The following AOPEP variants were observed in gnomAD, a reference collection of about 807,000 sequenced individuals.
AOPEP encodes the protein aminopeptidase O.
Under a neutral mutation model 98.1 loss-of-function variants are expected in AOPEP, and 77 were observed. That is an observed-to-expected ratio of 0.78 (90% confidence interval 0.65 to 0.95). AOPEP has a LOEUF of 0.95. Ranked by LOEUF, AOPEP falls within the 40% of genes least tolerant of loss-of-function variation. The pLI is 0.00. For missense variants in AOPEP, 1,024 were observed against 1,024.7 expected (o/e 1.00, Z 0.01); for synonymous variants, 346 against 365.3 (o/e 0.95, Z 0.60).
At chr9:94,741,530 C>G (rs1340047307) in intron 1 of AOPEP, among the ~76,000 whole-genome samples, 1 of 152,090 alleles carries the variant, frequency 6.6e-6, no homozygotes, top group Non-Finnish European at 1.5e-5. Context: ...CTCGGCCTCC[C>G]AAAGTGTTGA....
chr9:95,011,064 A>G (rs1465806074), intron 13 of AOPEP, among the ~76,000 whole-genome samples: 2 of 152,092 alleles, frequency 1.3e-5, no homozygotes, highest in Admixed American at 6.5e-5. Context: ...TGTTTGCTAT[A>G]TATTTTTTTA....
intron 1 of AOPEP, among the ~76,000 whole-genome samples, chr9:94,743,322 T>G (rs1272457638): frequency 6.6e-6 from 1 of 152,050 alleles, no homozygotes; most frequent in African/African-American, 2.4e-5. Flanking sequence ...GGTGGAAAGT[T>G]AGTGGTATGA....
At chr9:94,808,197 G>A (rs980570310) in intron 5 of AOPEP, among the ~76,000 whole-genome samples, 2 of 151,938 alleles carry the variant, frequency 1.3e-5, no homozygotes, top group African/African-American at 4.8e-5. Context: ...ACGCTGCTTC[G>A]CCTGGCTAAT....
intron 10 of AOPEP, among the ~76,000 whole-genome samples, chr9:94,978,007 T>C (rs2059955342): frequency 6.6e-6 from 1 of 152,094 alleles, no homozygotes; most frequent in African/African-American, 2.4e-5. Flanking sequence ...GAGCGACCAA[T>C]AGGGGGAAAG....
chr9:95,053,903 C>T (rs1195004963), intron 13 of AOPEP, among the ~76,000 whole-genome samples: 4 of 152,018 alleles, frequency 2.6e-5, no homozygotes, highest in Non-Finnish European at 5.9e-5. Context: ...GGGTAGGGAG[C>T]GAGGTCTCAC....
chr9:94,861,379 T>A (rs1483923666), intron 5 of AOPEP, among the ~76,000 whole-genome samples: 1 of 152,198 alleles, frequency 6.6e-6, no homozygotes, highest in African/African-American at 2.4e-5. Flanking sequence ...GAAAAGAAGA[T>A]GAAGAGAGAA....
intron 11 of AOPEP, among the ~76,000 whole-genome samples, chr9:94,999,713 A>C (rs1006977083): frequency 5.9e-5 from 9 of 152,204 alleles, no homozygotes; most frequent in African/African-American, 2.2e-4. Flanking sequence ...GCTTATTCCA[A>C]GAAGGGATTT....
the AOPEP span, among the ~76,000 whole-genome samples, chr9:95,125,465 A>T: frequency 1.3e-5 from 2 of 152,150 alleles, no homozygotes; most frequent in Non-Finnish European, 2.9e-5. Flanking sequence ...CTCTGTACAA[A>T]TATTTTTGTA....
the AOPEP span, among the ~76,000 whole-genome samples, chr9:95,109,971 A>G: frequency 2.0e-5 from 3 of 152,326 alleles, no homozygotes; most frequent in East Asian, 5.8e-4. Context: ...TGCCTCAGGC[A>G]GGCACCAGCA....
chr9:94,933,726 C>CT (rs1209522321), intron 7 of AOPEP: 14 of 923,002 alleles, frequency 1.5e-5, no homozygotes, highest in Non-Finnish European at 1.8e-5. Flanking sequence ...AATAGGAAGC[C>CT]TTTTTTTATT....
chr9:94,866,649 A>G (rs2045736936), intron 5 of AOPEP, among the ~76,000 whole-genome samples: 1 of 152,248 alleles, frequency 6.6e-6, no homozygotes, highest in East Asian at 1.9e-4. Context: ...CAATCAGTAT[A>G]TAGAATTGTA....
the AOPEP span, chr9:95,099,544 G>A: frequency 2.2e-5 from 5 of 230,332 alleles, no homozygotes; most frequent in Non-Finnish European, 4.3e-5. Flanking sequence ...GTGCCTGCCC[G>A]GCCGCCACCT....
chr9:95,080,825 C>T (rs747434848), intron 15 of AOPEP, 45 bp downstream of exon 15: 2 of 1,272,186 alleles, frequency 1.6e-6, no homozygotes, highest in East Asian at 4.6e-5. Flanking sequence ...AAAGGCTGTC[C>T]CTGCACTTCA....
intron 1 of AOPEP, among the ~76,000 whole-genome samples, chr9:94,752,421 C>T (rs1316491663): frequency 5.9e-5 from 9 of 151,922 alleles, no homozygotes; most frequent in South Asian, 2.1e-4. Flanking sequence ...AGAACACATA[C>T]GTATCAGTAA....
At chr9:94,903,771 G>T (rs1181167648) in intron 5 of AOPEP, among the ~76,000 whole-genome samples, 1 of 151,428 alleles carries the variant, frequency 6.6e-6, no homozygotes, top group Non-Finnish European at 1.5e-5. Flanking sequence ...TGTGGTGGTG[G>T]GTACCTGCAA....
intron 7 of AOPEP, among the ~76,000 whole-genome samples, chr9:94,948,622 T>C (rs1264279157): frequency 3.3e-5 from 5 of 152,100 alleles, no homozygotes; most frequent in African/African-American, 1.2e-4. Context: ...GGTGGAAGCT[T>C]TCAGAGCTAT....
intron 14 of AOPEP, among the ~76,000 whole-genome samples, chr9:95,069,478 T>TAGTATGGAAGGAAGGGATGAGCAGTTTC (rs1554820877): frequency 0.018 from 2,788 of 152,096 alleles, 88 homozygotes; most frequent in African/African-American, 0.064. Context: ...ATGAGAGTCT[T>TAGTATGGAAGGAAGGGATGAGCAGTTTC]AGTATGGAAG....
intron 5 of AOPEP, among the ~76,000 whole-genome samples, chr9:94,878,563 A>G (rs183301482): frequency 3.9e-5 from 6 of 151,990 alleles, no homozygotes; most frequent in Non-Finnish European, 8.8e-5. Flanking sequence ...ATGCATTAAA[A>G]CCTTGCGTTA....
intron 5 of AOPEP, among the ~76,000 whole-genome samples, chr9:94,826,374 G>A (rs1854559937): frequency 6.6e-6 from 1 of 152,184 alleles, no homozygotes; most frequent in Non-Finnish European, 1.5e-5. Context: ...GGGACACAGT[G>A]AGCAGCACAG....
Sources: gnomAD v4.1 joint callset for allele counts (sites outside exome capture counted in the v4.1 genomes callset) on GRCh38, gnomAD v4.1.1 for gene constraint, MANE v1.5 for transcripts, NCBI Gene and HGNC (gene_info 2026-07-23, HGNC 2026-07-21) for gene names.